The following FGGY variants were observed in gnomAD, a reference collection of about 807,000 sequenced individuals.
FGGY encodes the protein FGGY carbohydrate kinase domain-containing protein.
Under a neutral mutation model 71.3 loss-of-function variants are expected in FGGY, and 72 were observed. That is an observed-to-expected ratio of 1.01 (90% CI 0.84 to 1.23). FGGY has a LOEUF of 1.23. Among genes scored for constraint, FGGY ranks in the 50% most tolerant of loss-of-function variants. The pLI is 0.00. For synonymous variants in FGGY, 251 were observed against 250.3 expected, an observed-to-expected ratio of 1.00 and a Z score of -0.02; for missense variants, 668 against 682.3, an observed-to-expected ratio of 0.98 and a Z score of 0.23.
chr1:59,564,701 C>T (rs753064603), intron 8 of FGGY, among the ~76,000 whole-genome samples: 12 of 152,120 alleles, frequency 7.9e-5, no homozygotes, highest in Non-Finnish European at 2.9e-5. Context: ...AATGATGCAA[C>T]GACTTTGGAA....
chr1:59,523,143 A>G lies in FGGY; in HGVS notation c.799+10704A>G, dbSNP rs538267502. ...ACACTGCCAAGCACCTGTTAGGAGGACTTCCTACTCCAAGTTCAAAAGGTA... is the reference window on the plus strand; with the variant it reads ...ACACTGCCAAGCACCTGTTAGGAGGGCTTCCTACTCCAAGTTCAAAAGGTA... On this transcript the variant is annotated intron_variant, in intron 7 of 15. Coordinates refer to ENST00000303721, the MANE Select transcript of FGGY (RefSeq NM_018291.5). Among the ~76,000 whole-genome samples the G allele has an allele frequency of 5.9e-5, 9 of 152,312 alleles. No individual in the cohort carries two copies. In the South Asian group the frequency reaches 1.9e-3, roughly 32 times the overall value.
chr1:59,583,678 C>T (rs2096233793), intron 8 of FGGY, among the ~76,000 whole-genome samples: 1 of 142,302 alleles, frequency 7.0e-6, no homozygotes, highest in Non-Finnish European at 1.5e-5. Flanking sequence ...ATTCACACAC[C>T]CCTCCTGGGT....
intron 7 of FGGY, among the ~76,000 whole-genome samples, chr1:59,541,411 C>T (rs1190551756): frequency 2.0e-5 from 3 of 152,128 alleles, no homozygotes; most frequent in African/African-American, 4.8e-5. Flanking sequence ...ACCGACAGCA[C>T]AGCAGGTGCT....
At chr1:59,643,799 T>A (rs2097061015) in intron 11 of FGGY, among the ~76,000 whole-genome samples, 1 of 152,214 alleles carries the variant, frequency 6.6e-6, no homozygotes, top group Admixed American at 6.5e-5. Flanking sequence ...CAACAGTTCT[T>A]AGGTCAGAAG....
At position 59,381,982 on chromosome 1, in the gene FGGY, C is replaced by T. The variant is rs6670624; in HGVS notation, c.554+3145C>T. Among the ~76,000 whole-genome samples, 224 of 152,084 alleles carry T rather than the reference C, an allele frequency of 1.5e-3. 1 individual carries two copies. The highest frequency in any genetic ancestry group is 5.3e-3 in the African/African-American group (218 of 41,480). On this transcript the variant is annotated intron_variant, in intron 5 of 15. Transcript: ENST00000303721. Reference sequence around the variant, plus strand: ...TTGGACATGAAATCTTTAAGTATGACGAGCCTCTTGTCATGATGACCTCAG... The same window carrying T: ...TTGGACATGAAATCTTTAAGTATGATGAGCCTCTTGTCATGATGACCTCAG...
intron 8 of FGGY, among the ~76,000 whole-genome samples, chr1:59,578,746 C>T (rs1278580770): frequency 6.6e-6 from 1 of 152,026 alleles, no homozygotes; most frequent in African/African-American, 2.4e-5. Context: ...TTTTCCTGCA[C>T]ACCCATAATG....
chr1:59,537,848 A>G (rs190889209), intron 7 of FGGY, among the ~76,000 whole-genome samples: 18 of 152,342 alleles, frequency 1.2e-4, no homozygotes, highest in Admixed American at 1.1e-3. Flanking sequence ...AAATCAATTC[A>G]AGATGGATTA....
intron 2 of FGGY, among the ~76,000 whole-genome samples, chr1:59,336,320 G>C (rs1378112980): frequency 6.6e-6 from 1 of 151,978 alleles, no homozygotes; most frequent in Non-Finnish European, 1.5e-5. Flanking sequence ...CTGTTCTATT[G>C]ATTTATAAAT....
chr1:59,459,647 C>A (rs2092005868), intron 6 of FGGY, among the ~76,000 whole-genome samples: 1 of 152,074 alleles, frequency 6.6e-6, no homozygotes, highest in South Asian at 2.1e-4. Context: ...TGAATAATTC[C>A]CCAGTTACCT....
At chr1:59,392,088 T>C (rs949526572) in intron 5 of FGGY, among the ~76,000 whole-genome samples, 8 of 152,164 alleles carry the variant, frequency 5.3e-5, no homozygotes, top group Admixed American at 4.6e-4. Context: ...TTCAGGAGTC[T>C]TTTTCCTGAC....
chr1:59,554,257 A>G (rs756396828), intron 8 of FGGY, 30 bp downstream of exon 8: 1 of 1,563,280 alleles, frequency 6.4e-7, no homozygotes, highest in East Asian at 2.3e-5. Context: ...AGGCAAGGCC[A>G]CCACACAGCA....
chr1:59,526,493 G>A (rs2153657107), intron 7 of FGGY, among the ~76,000 whole-genome samples: 1 of 152,328 alleles, frequency 6.6e-6, no homozygotes, highest in South Asian at 2.1e-4. Flanking sequence ...GGAAATGGGA[G>A]ATCTGTATTC....
At chr1:59,445,333 A>G (rs1015584893) in intron 5 of FGGY, among the ~76,000 whole-genome samples, 2 of 152,104 alleles carry the variant, frequency 1.3e-5, no homozygotes, top group African/African-American at 4.8e-5. Flanking sequence ...CTGCTCTGGC[A>G]CTTGCCTCTG....
intron 5 of FGGY, among the ~76,000 whole-genome samples, chr1:59,394,024 CA>C (rs1420547888): frequency 2.0e-5 from 3 of 152,240 alleles, no homozygotes; most frequent in Admixed American, 6.5e-5. Context: ...AGTGGAGGAC[CA>C]AAGGTCTGCG....
intron 6 of FGGY, among the ~76,000 whole-genome samples, chr1:59,479,244 A>G (rs1177326936): frequency 6.6e-6 from 1 of 152,204 alleles, no homozygotes; most frequent in Non-Finnish European, 1.5e-5. Flanking sequence ...GAAAGTTTAG[A>G]TAACTCAAGA....
At chr1:59,314,228 G>A (rs1460915604) in intron 1 of FGGY, among the ~76,000 whole-genome samples, 2 of 152,142 alleles carry the variant, frequency 1.3e-5, no homozygotes, top group African/African-American at 2.4e-5. Context: ...GCCTCCCAAA[G>A]TGCTGGGATT....
At chr1:59,506,714 G>C (rs1296196499) in intron 6 of FGGY, among the ~76,000 whole-genome samples, 1 of 152,138 alleles carries the variant, frequency 6.6e-6, no homozygotes, top group Non-Finnish European at 1.5e-5. Flanking sequence ...CATGAGAATC[G>C]CTTGAACCTG....
Position 59,667,334 on chromosome 1 carries a change from A to G in FGGY, c.1348A>G (p.Ser450Gly), listed in dbSNP as rs1341368891. Reference protein sequence around the residue: ...EAMEAAGHSISTLFLCGGLSK... With the variant: ...EAMEAAGHSIGTLFLCGGLSK... ...CATGGAGGCAGCAGGGCACTCAATC[A>G]GTACTCTTTTCCTATGTGGAGGCCT... Residue 450 changes from serine (S) to glycine (G), a missense_variant, in exon 13 of 16, where the codon AGT (serine) becomes GGT (glycine). Coordinates refer to ENST00000303721, the MANE Select transcript of FGGY (RefSeq NM_018291.5). 2 of 1,614,046 alleles carry G rather than the reference A, an allele frequency of 1.2e-6. No homozygotes were observed. The highest frequency in any genetic ancestry group is 1.3e-5 in the African/African-American group (1 of 74,922).
At chr1:59,666,915 G>A (rs1413080764) in intron 12 of FGGY, among the ~76,000 whole-genome samples, 3 of 152,186 alleles carry the variant, frequency 2.0e-5, no homozygotes, top group African/African-American at 7.2e-5. Flanking sequence ...GAGTACTATT[G>A]CAATCACTGC....
Sources: allele counts gnomAD v4.1 joint callset (sites outside exome capture counted in the v4.1 genomes callset), GRCh38; gene constraint gnomAD v4.1.1; transcripts MANE v1.5; gene names NCBI Gene and HGNC (gene_info 2026-07-23, HGNC 2026-07-21).